Variants in CCKBR observed in about 807,000 individuals in gnomAD.
CCKBR encodes cholecystokinin B receptor.
CCKBR carries 33 observed loss-of-function variants against 34.6 expected under a neutral mutation model. The ratio of observed to expected loss-of-function variants is 0.95; its 90% CI spans 0.72 to 1.27. The LOEUF (loss-of-function observed/expected upper bound fraction) is 1.27, where lower values mean the gene tolerates loss of function less well. Ranked by LOEUF, CCKBR falls within the 50% of genes most tolerant of loss-of-function variation. The pLI, the probability that CCKBR is intolerant of heterozygous loss-of-function variation, is 0.00. For missense variants in CCKBR, 652 were observed against 617.4 expected, an observed-to-expected ratio of 1.06 and a Z score of -0.59; for synonymous variants, 269 against 267.5, an observed-to-expected ratio of 1.01 and a Z score of -0.06.
Position 6,269,695 on chromosome 11 carries a change from C to G in CCKBR, c.178C>G (p.Leu60Val). The change falls in exon 2 of 5, where the codon CTT (leucine) becomes GTT (valine). Residue 60 changes from leucine (L) to valine (V), a missense_variant. By Grantham distance (32) the Leu-to-Val change is conservative. Transcript: ENST00000334619. ...ATTGGAGCTGGCCATTAGAATCACT[C>G]TTTACGCAGTGATCTTCCTGATGAG... ...RELELAIRIT[L>V]YAVIFLMSVG... 6.2e-7 allele frequency: 1 copy of G among 1,613,990 alleles called. No homozygotes were observed. The highest frequency in any genetic ancestry group is 8.5e-7 in the Non-Finnish European group (1 of 1,179,992).
In CCKBR at chr11:6,259,983, G is replaced by A. The variant is rs527427977; in HGVS notation, c.55G>A (p.Ala19Thr). 22 of 1,571,230 alleles carry A rather than the reference G, an allele frequency of 1.4e-5. No individual in the cohort carries two copies. The highest frequency in any genetic ancestry group is 1.8e-4 in the Middle Eastern group (1 of 5,498). ...SVQGTGPGPG[A>T]SLCRPGAPLL... ...GCAGGGAACCGGACCCGGGCCGGGG[G>A]CTTCCCTGTGCCGCCCGGGGGCGCC... is the stretch of plus-strand genomic sequence containing the variant. Residue 19 changes from alanine (A) to threonine (T), a missense_variant, in exon 1 of 5, where the codon GCT (alanine) becomes ACT (threonine). By Grantham distance (58) the Ala-to-Thr change is moderately conservative (BLOSUM62 0). Coordinates refer to ENST00000334619, the MANE Select transcript of CCKBR (RefSeq NM_176875.4).
At chr11:6,261,454 A>AAAAAATATAT (rs1447691939) in intron 1 of CCKBR, among the ~76,000 whole-genome samples, 28 of 60,886 alleles carry the variant, frequency 4.6e-4, no homozygotes, top group East Asian at 1.8e-3. Flanking sequence ...AAAAAAAAAA[A>AAAAAATATAT]ATATATATAC....
intron 1 of CCKBR, among the ~76,000 whole-genome samples, chr11:6,262,286 T>G (rs1039600752): frequency 3.9e-5 from 6 of 152,076 alleles, no homozygotes; most frequent in Non-Finnish European, 5.9e-5. Context: ...ATAGTTAAAA[T>G]CATAAAATTT....
chr11:6,271,457 C>T lies in CCKBR; in HGVS notation c.1258C>T (p.Leu420Phe). 1.2e-6 allele frequency: 2 copies of T among 1,613,342 alleles called. No individual in the cohort carries two copies. The highest frequency in any genetic ancestry group is 8.5e-7 in the Non-Finnish European group (1 of 1,180,030). Reference sequence around the variant, plus strand: ...GCCTCCACGAGCTCGCCCCAGGGCTCTTCCCGATGAGGACCCTCCCACTCC... The same window carrying T: ...GCCTCCACGAGCTCGCCCCAGGGCTTTTCCCGATGAGGACCCTCCCACTCC... The part of the protein sequence containing the change: ...PRPPRARPRA[L>F]PDEDPPTPSI... Residue 420 changes from leucine to phenylalanine, a missense_variant, in exon 5 of 5, where the codon CTT becomes TTT. Physicochemically the swap from Leu to Phe is conservative, Grantham distance 22 (BLOSUM62 0). Coordinates refer to ENST00000334619, the MANE Select transcript of CCKBR (RefSeq NM_176875.4).
intron 1 of CCKBR, among the ~76,000 whole-genome samples, chr11:6,266,975 G>A (rs970129251): frequency 1.3e-5 from 2 of 152,154 alleles, no homozygotes; most frequent in African/African-American, 4.8e-5. Context: ...ATGTATTTGT[G>A]TATCTAAACA....
intron 1 of CCKBR, among the ~76,000 whole-genome samples, chr11:6,262,709 A>C (rs1320434506): frequency 1.4e-5 from 2 of 147,886 alleles, no homozygotes; most frequent in African/African-American, 4.9e-5. Flanking sequence ...AGAGAGAGAG[A>C]GAGAGAGAGA....
rs142963474 is a variant in CCKBR at position 6,268,962 on chromosome 11, C to T, written c.152-707C>T. Among the ~76,000 whole-genome samples, 147 of 151,724 alleles carry T rather than the reference C, an allele frequency of 9.7e-4. 2 individuals are homozygous for T. The highest frequency in any genetic ancestry group is 3.1e-3 in the African/African-American group (130 of 41,378). ...GAGGAGGGTTGGTAAAAGAGTATTC[C>T]GGTCTGAGAAACCAGCTTGAGCAGG... On this transcript the variant is annotated intron_variant, in intron 1 of 4. Transcript: ENST00000334619.
rs1354611265 is a variant in CCKBR, at chr11:6,260,048, G to T, written c.120G>T (p.Glu40Asp). The T allele has an allele frequency of 6.3e-7, 1 of 1,595,604 alleles. No homozygotes were observed. Among genetic ancestry groups the T allele is most frequent in the South Asian group, 1.1e-5 (1 of 89,222 alleles). The change falls in exon 1 of 5, where the codon GAG becomes GAT. Residue 40 changes from glutamate to aspartate, a missense_variant. By Grantham distance (45) the Glu-to-Asp change is conservative (BLOSUM62 2). Coordinates refer to ENST00000334619, the MANE Select transcript of CCKBR (RefSeq NM_176875.4). ...NSSSVGNLSC[E>D]PPRIRGAGTR... Reference sequence around the variant, plus strand: ...GCAGTGTGGGCAACCTCAGCTGCGAGCCCCCTCGCATTCGCGGAGCCGGGA... The same window carrying T: ...GCAGTGTGGGCAACCTCAGCTGCGATCCCCCTCGCATTCGCGGAGCCGGGA...
chr11:6,269,520 G>C (rs1455726034), intron 1 of CCKBR, 149 bp from the exon 2 acceptor site: 1 of 907,970 alleles, frequency 1.1e-6, no homozygotes, highest in Non-Finnish European at 1.7e-6. Flanking sequence ...AAGGCTAAAG[G>C]ATTCAAGTTC....
chr11:6,261,410 G>A (rs1848126468), intron 1 of CCKBR, among the ~76,000 whole-genome samples: 2 of 138,724 alleles, frequency 1.4e-5, no homozygotes, highest in Non-Finnish European at 3.1e-5. Flanking sequence ...AAATTAGGGA[G>A]GCTGGCTCTA....
chr11:6,269,638 C>T (rs768552813), intron 1 of CCKBR, 31 bp from the exon 2 acceptor site: 17 of 1,605,518 alleles, frequency 1.1e-5, no homozygotes, highest in Non-Finnish European at 1.4e-5. Flanking sequence ...AGGCTGACCC[C>T]CTACTGCCAC....
chr11:6,270,720 G>A lies in CCKBR; in HGVS notation c.728G>A (p.Arg243His), dbSNP rs760799719. The change falls in exon 4 of 5, where the codon CGC (arginine) becomes CAC (histidine). Residue 243 changes from arginine to histidine, a missense_variant. Arg to His is a conservative substitution (Grantham distance 29). Transcript: ENST00000334619. The part of the protein sequence containing the change: ...VMAVAYGLIS[R>H]ELYLGLRFDG... ...GCCGTGGCCTACGGGCTTATCTCTCGCGAGCTCTACTTAGGGCTTCGCTTT... is the reference window on the plus strand; with the variant it reads ...GCCGTGGCCTACGGGCTTATCTCTCACGAGCTCTACTTAGGGCTTCGCTTT... 4.3e-6 allele frequency: 7 copies of A among 1,614,144 alleles called. No individual in the cohort carries two copies. The highest frequency in any genetic ancestry group is 2.5e-6 in the Non-Finnish European group (3 of 1,180,016).
intron 1 of CCKBR, among the ~76,000 whole-genome samples, chr11:6,266,776 G>A (rs947550087): frequency 6.6e-6 from 1 of 152,152 alleles, no homozygotes; most frequent in African/African-American, 2.4e-5. Context: ...TAATGATGGG[G>A]ATACCTTCTG....
chr11:6,271,662 C>A lies in CCKBR; in HGVS notation c.*119C>A. 1.0e-6 allele frequency: 1 copy of A among 999,480 alleles called. No individual in the cohort carries two copies. Among genetic ancestry groups the A allele is most frequent in the Non-Finnish European group, 1.4e-6 (1 of 698,850 alleles). 61.9% of individuals were successfully genotyped at this position (999,480 alleles called of 1,614,324 possible). The stretch of plus-strand genomic sequence containing the variant: ...CCAACACCCAAAGCATGGACTAACC[C>A]CAACGCACAGGAAAAGGTAGCTTAC... On this transcript the variant is annotated 3_prime_UTR_variant, in exon 5 of 5. Transcript: ENST00000334619.
rs1848306812 is a variant in CCKBR, at chr11:6,271,255, C to T, written c.1056C>T (p.Ala352=). Residue 352 remains alanine (A), a synonymous_variant, in exon 5 of 5, where the codon GCC becomes GCT. Transcript: ENST00000334619. Reference sequence around the variant, plus strand: ...TGTGTTGGTTGCCAGTTTATAGTGCCAACACGTGGCGCGCCTTTGATGGCC... The same window carrying T: ...TGTGTTGGTTGCCAGTTTATAGTGCTAACACGTGGCGCGCCTTTGATGGCC... ...FFLCWLPVYS[A]NTWRAFDGPG... is the part of the protein sequence containing the mutation. 2 of 1,614,222 alleles carry T rather than the reference C, an allele frequency of 1.2e-6. No homozygotes were observed. The highest frequency in any genetic ancestry group is 1.1e-5 in the South Asian group (1 of 91,080).
rs2941028 is a variant in CCKBR at position 6,265,104 on chromosome 11, G to A, written c.152-4565G>A. 6.8e-3 allele frequency among the ~76,000 whole-genome samples: 1,033 copies of A among 152,112 alleles called. 13 individuals carry two copies. The highest frequency in any genetic ancestry group is 0.024 in the African/African-American group (975 of 41,460). ...CCTGTACTTCATCTATTTATCCCTC[G>A]CTCTGCCTCTCCAAACTCCTGGCTC... On this transcript the variant is annotated intron_variant, in intron 1 of 4. Coordinates refer to ENST00000334619, the MANE Select transcript of CCKBR (RefSeq NM_176875.4).
rs71056733 is a variant in CCKBR, at chr11:6,261,434, CAAAAAAA to C, written c.151+1370_151+1376del. Among the ~76,000 whole-genome samples, 18 of 14,458 alleles carry C rather than the reference CAAAAAAA, an allele frequency of 1.2e-3. 2 individuals carry two copies. Among genetic ancestry groups the C allele is most frequent in the East Asian group, 8.5e-3 (2 of 234 alleles). The allele number at this position is 14,458 out of a possible 152,430, so 9.5% of individuals were successfully genotyped here. Reference sequence around the variant, plus strand: ...AGGCTGGCTCTAAGCTTCCTGTTGGCAAAAAAAAAAAAAAAAAAAAATATATATACAC... The same window carrying C: ...AGGCTGGCTCTAAGCTTCCTGTTGGCAAAAAAAAAAAAAATATATATACAC... On this transcript the variant is annotated intron_variant, in intron 1 of 4. Coordinates refer to ENST00000334619, the MANE Select transcript of CCKBR (RefSeq NM_176875.4).
Position 6,271,268 on chromosome 11 carries a change from G to C in CCKBR, c.1069G>C (p.Ala357Pro). ...LPVYSANTWR[A>P]FDGPGAHRAL... ...AGTTTATAGTGCCAACACGTGGCGC[G>C]CCTTTGATGGCCCGGGTGCACACCG... Residue 357 changes from alanine to proline, a missense_variant, in exon 5 of 5, where the codon GCC becomes CCC. Physicochemically the swap from Ala to Pro is conservative, Grantham distance 27 (BLOSUM62 -1). Transcript: ENST00000334619. The C allele has an allele frequency of 6.2e-7, 1 of 1,614,188 alleles. No homozygotes were observed. The highest frequency in any genetic ancestry group is 1.1e-5 in the South Asian group (1 of 91,088).
chr11:6,262,494 A>C (rs935340136), intron 1 of CCKBR, among the ~76,000 whole-genome samples: 1 of 152,176 alleles, frequency 6.6e-6, no homozygotes, highest in East Asian at 1.9e-4. Flanking sequence ...TGCTATTGAC[A>C]TAAGTTACAT....
Sources: allele counts gnomAD v4.1 joint callset (sites outside exome capture counted in the v4.1 genomes callset), GRCh38; gene constraint gnomAD v4.1.1; transcripts MANE v1.5; gene names NCBI Gene and HGNC (gene_info 2026-07-23, HGNC 2026-07-21).